PRKCB: variants seen among roughly 807,000 people sequenced by gnomAD.
PRKCB encodes protein kinase C beta.
In PRKCB, 13 loss-of-function variants were observed where a neutral mutation model predicts 81.5. The ratio of observed to expected loss-of-function variants is 0.16; its 90% CI spans 0.10 to 0.25. PRKCB has a LOEUF of 0.25. PRKCB is among the 10% of genes least tolerant of loss of function. The pLI, the probability that PRKCB is intolerant of heterozygous loss-of-function variation, is 1.00. For synonymous variants in PRKCB, 335 were observed against 321.4 expected (o/e 1.04, Z -0.45); for missense variants, 509 against 875.7 (o/e 0.58, Z 5.29).
At chr16:24,141,867 T>C (rs1966906471) in intron 9 of PRKCB, among the ~76,000 whole-genome samples, 2 of 152,232 alleles carry the variant, frequency 1.3e-5, no homozygotes, top group African/African-American at 4.8e-5. Context: ...ATAGATTTCA[T>C]AGCGACATTG....
intron 7 of PRKCB, among the ~76,000 whole-genome samples, chr16:24,108,873 C>CT (rs1966618398): frequency 1.3e-5 from 2 of 152,094 alleles, no homozygotes; most frequent in Non-Finnish European, 1.5e-5. Context: ...TTGGGCACAC[C>CT]TCCCAGACGG....
chr16:24,038,351 C>A (rs544662087), intron 5 of PRKCB, among the ~76,000 whole-genome samples: 9 of 152,320 alleles, frequency 5.9e-5, no homozygotes, highest in African/African-American at 2.2e-4. Context: ...GATTTCATTT[C>A]TTTGGGATGT....
intron 2 of PRKCB, among the ~76,000 whole-genome samples, chr16:23,936,155 C>T (rs911877685): frequency 6.6e-6 from 1 of 151,868 alleles, no homozygotes; most frequent in Non-Finnish European, 1.5e-5. Flanking sequence ...TTTGTTGTCA[C>T]ACAAAAGATG....
chr16:24,086,032 C>T (rs1180406210), intron 5 of PRKCB, among the ~76,000 whole-genome samples: 2 of 152,086 alleles, frequency 1.3e-5, no homozygotes, highest in Non-Finnish European at 2.9e-5. Context: ...AAAGACCCCA[C>T]GTTTGCTGGT....
chr16:23,866,228 G>C (rs8060341), intron 2 of PRKCB, among the ~76,000 whole-genome samples: 13,880 of 152,178 alleles, frequency 0.091, 1,260 homozygotes, highest in African/African-American at 0.24. Context: ...GAAAACATCA[G>C]GGGAGGTAGA....
chr16:23,954,467 G>C (rs533238994), intron 2 of PRKCB, among the ~76,000 whole-genome samples: 56 of 152,330 alleles, frequency 3.7e-4, no homozygotes, highest in African/African-American at 1.3e-3. Context: ...TCTATCAAGA[G>C]CCATGGCTAG....
intron 3 of PRKCB, among the ~76,000 whole-genome samples, chr16:23,993,619 T>C (rs1964918389): frequency 1.3e-5 from 2 of 152,346 alleles, no homozygotes; most frequent in African/African-American, 4.8e-5. Flanking sequence ...GTGATCCCTC[T>C]TCTCTATAGA....
In PRKCB at chr16:24,123,749, C is replaced by T. The variant is rs895954203; in HGVS notation, c.919-86C>T. On this transcript the variant is annotated intron_variant, in intron 8 of 16. Transcript: ENST00000643927. Reference sequence around the variant, plus strand: ...GGACAGGGTGCCGGAGCTGCAGGAACTACAGCTTCCCATTGTGTGCCTGTG... The same window carrying T: ...GGACAGGGTGCCGGAGCTGCAGGAATTACAGCTTCCCATTGTGTGCCTGTG... 6.9e-6 allele frequency: 10 copies of T among 1,443,132 alleles called. No homozygotes were observed. The Admixed American group carries it at 7.9e-5, about 11-fold the overall frequency. The allele number at this position is 1,443,132 out of a possible 1,614,324, so 89.4% of individuals were successfully genotyped here. A position where few individuals can be genotyped will look rare whatever the true frequency, so the allele number is the denominator to read the frequency against.
At chr16:24,196,126 G>A (rs776412791) in intron 16 of PRKCB, among the ~76,000 whole-genome samples, 1 of 152,130 alleles carries the variant, frequency 6.6e-6, no homozygotes, top group Non-Finnish European at 1.5e-5. Context: ...TCAATCTCAT[G>A]CCTGTCTTTT....
At chr16:23,867,806 C>T (rs546023847) in intron 2 of PRKCB, among the ~76,000 whole-genome samples, 23 of 152,204 alleles carry the variant, frequency 1.5e-4, no homozygotes, top group Non-Finnish European at 3.1e-4. Context: ...TAGAAGTAGA[C>T]CAAACTGCTG....
At chr16:24,188,306 T>A (rs1226598324) in intron 15 of PRKCB, among the ~76,000 whole-genome samples, 6 of 152,180 alleles carry the variant, frequency 3.9e-5, no homozygotes, top group African/African-American at 1.2e-4. Context: ...AACAGCCAAA[T>A]GCTTCCTCTG....
intron 2 of PRKCB, among the ~76,000 whole-genome samples, chr16:23,956,231 C>T (rs1255551502): frequency 2.6e-5 from 4 of 152,106 alleles, no homozygotes; most frequent in Non-Finnish European, 4.4e-5. Flanking sequence ...AATCCTCCCA[C>T]CTCAGACTCT....
intron 8 of PRKCB, among the ~76,000 whole-genome samples, chr16:24,119,848 C>T (rs1596556648): frequency 5.3e-5 from 8 of 152,292 alleles, no homozygotes; most frequent in Middle Eastern, 3.4e-3. Context: ...ATGTATACAA[C>T]TGCTTACTGG....
Position 23,836,107 on chromosome 16 carries a change from C to A in PRKCB, c.-69C>A, listed in dbSNP as rs1282998050. 2.4e-5 allele frequency: 26 copies of A among 1,089,058 alleles called. No homozygotes were observed. The highest frequency in any genetic ancestry group is 2.8e-5 in the Non-Finnish European group (25 of 889,204). The allele number at this position is 1,089,058 out of a possible 1,614,324, so 67.5% of individuals were successfully genotyped here. A position where few individuals can be genotyped will look rare whatever the true frequency, so the allele number is the denominator to read the frequency against. The stretch of plus-strand genomic sequence containing the variant: ...GCGGCCGCCGCCTCCCGCGCCTCCC[C>A]GGCCCGCAGCCCGCGGTCCCGCGGC... On this transcript the variant is annotated 5_prime_UTR_variant, in exon 1 of 17. Transcript: ENST00000643927.
At chr16:23,950,933 A>G (rs1201691086) in intron 2 of PRKCB, among the ~76,000 whole-genome samples, 1 of 152,196 alleles carries the variant, frequency 6.6e-6, no homozygotes. Context: ...ACCAGCATCA[A>G]TGGGGTACTC....
chr16:24,200,476 A>T (rs748930326), intron 16 of PRKCB, among the ~76,000 whole-genome samples: 8 of 152,186 alleles, frequency 5.3e-5, no homozygotes, highest in Non-Finnish European at 1.2e-4. Flanking sequence ...GAAGTTCCTA[A>T]ATCAGTTTCT....
intron 2 of PRKCB, among the ~76,000 whole-genome samples, chr16:23,966,080 G>T (rs1964483346): frequency 6.6e-6 from 1 of 152,226 alleles, no homozygotes; most frequent in South Asian, 2.1e-4. Flanking sequence ...GCAAAACTCT[G>T]CTCTTGAAGC....
chr16:24,130,386 G>A (rs1231265997), intron 9 of PRKCB, among the ~76,000 whole-genome samples: 1 of 152,144 alleles, frequency 6.6e-6, no homozygotes. Context: ...TCGAGCTATA[G>A]CTAAAGGACG....
chr16:23,867,603 T>A (rs1962830601), intron 2 of PRKCB, among the ~76,000 whole-genome samples: 1 of 152,246 alleles, frequency 6.6e-6, no homozygotes, highest in Non-Finnish European at 1.5e-5. Context: ...TTGTCTATTT[T>A]CATCAAGTCC....
Sources: allele counts gnomAD v4.1 joint callset (sites outside exome capture counted in the v4.1 genomes callset), GRCh38; gene constraint gnomAD v4.1.1; transcripts MANE v1.5; gene names NCBI Gene and HGNC (gene_info 2026-07-23, HGNC 2026-07-21).